The following DENND1A variants were observed in gnomAD, a reference collection of about 807,000 sequenced individuals.
The protein encoded by DENND1A is DENN domain-containing protein 1A.
Under a neutral mutation model 113.7 loss-of-function variants are expected in DENND1A, and 51 were observed. The ratio of observed to expected loss-of-function variants is 0.45; its 90% CI spans 0.36 to 0.57. The LOEUF is 0.57. DENND1A is among the 20% of genes least tolerant of loss of function. The pLI, the probability that DENND1A is intolerant of heterozygous loss-of-function variation, is 0.00. For missense variants in DENND1A, 1,258 were observed against 1,395.9 expected (o/e 0.90, Z 1.57); for synonymous variants, 565 against 570.8 (o/e 0.99, Z 0.14).
At chr9:123,801,778 C>A (rs965046877) in intron 2 of DENND1A, among the ~76,000 whole-genome samples, 1 of 152,152 alleles carries the variant, frequency 6.6e-6, no homozygotes, top group African/African-American at 2.4e-5. Context: ...TAAGACCAAC[C>A]CAGCCAATTT....
intron 10 of DENND1A, among the ~76,000 whole-genome samples, chr9:123,623,993 C>A (rs1213874357): frequency 6.6e-6 from 1 of 152,226 alleles, no homozygotes; most frequent in Non-Finnish European, 1.5e-5. Context: ...TGAAGAAAAA[C>A]TGGCAGCAGT....
intron 21 of DENND1A, among the ~76,000 whole-genome samples, chr9:123,398,796 ATTT>A (rs921037252): frequency 1.0e-4 from 14 of 135,960 alleles, no homozygotes; most frequent in African/African-American, 3.3e-4. Context: ...ACCACACAGC[ATTT>A]TTTTTTTTTT....
intron 13 of DENND1A, among the ~76,000 whole-genome samples, chr9:123,474,204 A>G (rs1484128748): frequency 2.0e-5 from 3 of 152,084 alleles, no homozygotes; most frequent in Non-Finnish European, 4.4e-5. Context: ...AATGTTAGTC[A>G]GGCTGGTCTC....
intron 1 of DENND1A, among the ~76,000 whole-genome samples, chr9:123,894,369 T>C (rs1199825669): frequency 6.6e-6 from 1 of 152,278 alleles, no homozygotes; most frequent in Non-Finnish European, 1.5e-5. Context: ...CACATATTTA[T>C]GAGTAATCTA....
chr9:123,902,174 TACACACACACACAC>T (rs9299289), intron 1 of DENND1A, among the ~76,000 whole-genome samples: 1 of 132,048 alleles, frequency 7.6e-6, no homozygotes, highest in Non-Finnish European at 1.7e-5. Context: ...CACACACACA[TACACACACACACAC>T]ACACACACAC....
intron 1 of DENND1A, among the ~76,000 whole-genome samples, chr9:123,886,316 G>C (rs1033505134): frequency 6.6e-6 from 1 of 151,980 alleles, no homozygotes; most frequent in Non-Finnish European, 1.5e-5. Flanking sequence ...CTCATAAAAT[G>C]AATCTGTGTT....
intron 13 of DENND1A, among the ~76,000 whole-genome samples, chr9:123,464,323 T>C (rs1419499257): frequency 6.6e-6 from 1 of 152,192 alleles, no homozygotes; most frequent in Admixed American, 6.5e-5. Flanking sequence ...AGCCAAAAGA[T>C]GGAAGCAACC....
At chr9:123,728,479 C>CAAAAAGAAAAAAA (rs2067884649) in intron 5 of DENND1A, among the ~76,000 whole-genome samples, 1 of 25,182 alleles carries the variant, frequency 4.0e-5, no homozygotes, top group Non-Finnish European at 7.1e-5. Context: ...CTCTGTCTCC[C>CAAAAAGAAAAAAA]AAAAAAAAAA....
At chr9:123,631,318 T>C (rs1317283355) in intron 9 of DENND1A, among the ~76,000 whole-genome samples, 2 of 152,192 alleles carry the variant, frequency 1.3e-5, no homozygotes, top group African/African-American at 4.8e-5. Context: ...AGGTTGAACA[T>C]TTTGTCATAT....
At chr9:123,681,822 T>C (rs2064481077) in intron 5 of DENND1A, among the ~76,000 whole-genome samples, 1 of 151,698 alleles carries the variant, frequency 6.6e-6, no homozygotes, top group Non-Finnish European at 1.5e-5. Context: ...CAGATATTGG[T>C]TTCTAAATAC....
chr9:123,499,977 C>G (rs1167027784), intron 13 of DENND1A, among the ~76,000 whole-genome samples: 1 of 152,212 alleles, frequency 6.6e-6, no homozygotes, highest in Non-Finnish European at 1.5e-5. Context: ...CATGGGCTCC[C>G]TTCACACTGG....
chr9:123,592,734 G>A (rs1412372530), intron 11 of DENND1A, among the ~76,000 whole-genome samples: 2 of 151,982 alleles, frequency 1.3e-5, no homozygotes, highest in East Asian at 3.9e-4. Flanking sequence ...TGAACTCCTG[G>A]GCTCAAGTGA....
intron 13 of DENND1A, among the ~76,000 whole-genome samples, chr9:123,498,341 A>G (rs2052134510): frequency 6.6e-6 from 1 of 152,236 alleles, no homozygotes; most frequent in African/African-American, 2.4e-5. Flanking sequence ...AGTAACTTGT[A>G]TAAAGAGCAG....
intron 13 of DENND1A, among the ~76,000 whole-genome samples, chr9:123,507,165 G>A (rs934198901): frequency 6.6e-6 from 1 of 152,152 alleles, no homozygotes; most frequent in Non-Finnish European, 1.5e-5. Flanking sequence ...CTCCAGCCTG[G>A]GCGACAGAGT....
chr9:123,564,847 C>T (rs1168667339), intron 12 of DENND1A, among the ~76,000 whole-genome samples: 1 of 152,188 alleles, frequency 6.6e-6, no homozygotes, highest in African/African-American at 2.4e-5. Flanking sequence ...GTTCAAATAT[C>T]ACTTCCTCTG....
chr9:123,746,160 A>T (rs762535488), intron 5 of DENND1A, among the ~76,000 whole-genome samples: 2 of 152,190 alleles, frequency 1.3e-5, no homozygotes, highest in Non-Finnish European at 2.9e-5. Flanking sequence ...TTCTGTTTGC[A>T]GGTTATATTT....
rs376960688 is a variant in DENND1A, at chr9:123,490,572, T to C, written c.994-32675A>G. On this transcript the variant is annotated intron_variant, in intron 13 of 23. Transcript: ENST00000394215. ...CCACTGCACTCCAGCCTGGGTGACA[T>C]AGCAAGACTCCATCTAAAAATAAAA... Among the ~76,000 whole-genome samples the C allele has an allele frequency of 9.2e-5, 14 of 151,566 alleles. No homozygotes were observed. In the East Asian group the frequency reaches 1.6e-3, roughly 17 times the overall value.
rs1843800737 is a variant in DENND1A at position 123,854,215 on chromosome 9, C to T, written c.88+24736G>A. Among the ~76,000 whole-genome samples the T allele has an allele frequency of 2.0e-5, 3 of 152,212 alleles. No homozygotes were observed. In the South Asian group the frequency reaches 6.2e-4, roughly 32 times the overall value. The stretch of plus-strand genomic sequence containing the variant: ...AAAATCAACCTTGCTGGTCTCTCAA[C>T]ACAAATGGCAACATTCATCCTAGCC... On this transcript the variant is annotated intron_variant, in intron 2 of 23. Coordinates refer to ENST00000394215, the MANE Select transcript of DENND1A (RefSeq NM_001352964.2).
At chr9:123,593,781 G>A (rs1249254055) in intron 11 of DENND1A, among the ~76,000 whole-genome samples, 1 of 152,102 alleles carries the variant, frequency 6.6e-6, no homozygotes, top group African/African-American at 2.4e-5. Flanking sequence ...TTGATACAGT[G>A]TGGCTCTGTG....
Sources: gnomAD v4.1 joint callset for allele counts (sites outside exome capture counted in the v4.1 genomes callset) on GRCh38, gnomAD v4.1.1 for gene constraint, MANE v1.5 for transcripts, NCBI Gene and HGNC (gene_info 2026-07-23, HGNC 2026-07-21) for gene names.